TARBP1: variants seen among roughly 807,000 people sequenced by gnomAD.
TARBP1 encodes tRNA guanosine 2 -O-methyltransferase TARBP1.
A neutral mutation model predicts 178.6 loss-of-function variants in TARBP1; 144 were observed. The observed-to-expected ratio is 0.81, with a 90% CI of 0.70 to 0.93. The LOEUF (loss-of-function observed/expected upper bound fraction) is 0.93, where lower values mean the gene tolerates loss of function less well. Among genes scored for constraint, TARBP1 ranks in the 40% least tolerant of loss-of-function variants. The pLI is 0.00. For missense variants in TARBP1, 2,067 were observed against 2,011.7 expected (o/e 1.03, Z -0.53); for synonymous variants, 787 against 781.0 (o/e 1.01, Z -0.13).
intron 4 of TARBP1, 110 bp from the exon 5 acceptor site, chr1:234,465,818 A>G (rs1572397617): frequency 2.0e-6 from 2 of 981,748 alleles, no homozygotes; most frequent in Non-Finnish European, 2.9e-6. Flanking sequence ...AAGACCTGCT[A>G]TAAGCAAAGC....
intron 25 of TARBP1, 37 bp from the exon 26 acceptor site, chr1:234,398,590 TA>T: frequency 6.9e-7 from 1 of 1,443,332 alleles, no homozygotes; most frequent in Non-Finnish European, 9.3e-7. Flanking sequence ...TTTCTTCCCT[TA>T]AGAATAACAA....
At chr1:234,419,032 T>C (rs1267188340) in intron 21 of TARBP1, among the ~76,000 whole-genome samples, 1 of 151,188 alleles carries the variant, frequency 6.6e-6, no homozygotes, top group East Asian at 2.0e-4. Flanking sequence ...ATTAGCCGGG[T>C]GAGGTGGTGG....
chr1:234,429,368 T>C, intron 16 of TARBP1, 44 bp from the exon 17 acceptor site: 1 of 1,567,934 alleles, frequency 6.4e-7, no homozygotes, highest in Non-Finnish European at 8.6e-7. Context: ...AAAAACTTGA[T>C]CGCCACTCCT....
At chr1:234,477,528 G>A (rs1303449251) in intron 1 of TARBP1, among the ~76,000 whole-genome samples, 3 of 152,174 alleles carry the variant, frequency 2.0e-5, no homozygotes, top group East Asian at 3.8e-4. Context: ...CAACAGTAAC[G>A]TAACAACTTG....
chr1:234,469,552 T>G (rs1180695763), intron 3 of TARBP1, among the ~76,000 whole-genome samples: 1 of 152,226 alleles, frequency 6.6e-6, no homozygotes, highest in Non-Finnish European at 1.5e-5. Context: ...AGAAAACAAC[T>G]ACAGCAATCA....
At chr1:234,439,799 C>A (rs1310823655) in intron 12 of TARBP1, among the ~76,000 whole-genome samples, 1 of 152,106 alleles carries the variant, frequency 6.6e-6, no homozygotes, top group Non-Finnish European at 1.5e-5. Context: ...GCACTCCAGC[C>A]TGGGCAACAG....
intron 28 of TARBP1, 76 bp from the exon 29 acceptor site, chr1:234,392,628 G>GC (rs1659499733): frequency 1.5e-6 from 2 of 1,310,920 alleles, no homozygotes; most frequent in African/African-American, 3.0e-5. Context: ...GTTAAAAAAC[G>GC]TATTAACCTA....
intron 23 of TARBP1, among the ~76,000 whole-genome samples, chr1:234,408,120 C>T (rs747071068): frequency 9.2e-5 from 14 of 151,994 alleles, no homozygotes; most frequent in Non-Finnish European, 1.8e-4. Flanking sequence ...AAGCTCTGCT[C>T]GTGAATTCTC....
At position 234,393,492 on chromosome 1, in the gene TARBP1, C is replaced by A. The variant is rs377569827; in HGVS notation, c.4436-6G>T. ...CTCACAGGTCCTGCACAGTCCTGCA[C>A]AGAACACCTGGGATCATTAAGATTG... On this transcript the variant is annotated splice_region_variant and splice_polypyrimidine_tract_variant and intron_variant, in intron 27 of 29. Transcript: ENST00000040877. 6 of 1,585,884 alleles carry A rather than the reference C, an allele frequency of 3.8e-6. No individual in the cohort carries two copies. In the South Asian group the frequency reaches 6.8e-5, roughly 18 times the overall value.
In TARBP1 at chr1:234,460,276, C is replaced by G; in HGVS notation, c.1520G>C (p.Gly507Ala). 2 of 1,613,424 alleles carry G rather than the reference C, an allele frequency of 1.2e-6. No individual in the cohort carries two copies. The highest frequency in any genetic ancestry group is 1.7e-6 in the Non-Finnish European group (2 of 1,179,856). The change falls in exon 7 of 30, where the codon GGG becomes GCG. Residue 507 changes from glycine to alanine, a missense_variant. By Grantham distance (60) the Gly-to-Ala change is moderately conservative (BLOSUM62 0). Transcript: ENST00000040877. ...VPRHKALGID[G>A]LLALRDVIHC... ...AGTAAATTACCTGAGAGCAAGAAGC[C>G]CATCTATACCCAGGGCCTTATGTCT... is the stretch of plus-strand genomic sequence containing the variant.
intron 6 of TARBP1, among the ~76,000 whole-genome samples, chr1:234,463,144 G>A (rs950024080): frequency 2.7e-5 from 4 of 149,588 alleles, no homozygotes; most frequent in Non-Finnish European, 5.9e-5. Context: ...TTGTTTTTTT[G>A]AGACAGTCTT....
intron 28 of TARBP1, 139 bp from the exon 29 acceptor site, chr1:234,392,691 T>G: frequency 1.7e-6 from 1 of 591,658 alleles, no homozygotes; most frequent in Non-Finnish European, 2.7e-6. Flanking sequence ...AAAAAAGAAC[T>G]CTCCCAACAT....
At chr1:234,460,950 T>C (rs981539914) in intron 6 of TARBP1, among the ~76,000 whole-genome samples, 5 of 152,204 alleles carry the variant, frequency 3.3e-5, no homozygotes, top group African/African-American at 1.2e-4. Context: ...AGCCACGTAT[T>C]GTATGATTCC....
At chr1:234,444,110 T>G (rs2103192264) in intron 12 of TARBP1, among the ~76,000 whole-genome samples, 1 of 152,296 alleles carries the variant, frequency 6.6e-6, no homozygotes, top group South Asian at 2.1e-4. Context: ...AAAATGTAAA[T>G]TTTACTTTAT....
chr1:234,478,561 G>A lies in TARBP1; in HGVS notation c.543C>T (p.Ala181=), dbSNP rs1362477143. Residue 181 remains alanine (A), a synonymous_variant, in exon 1 of 30, where the codon GCC becomes GCT. Coordinates refer to ENST00000040877, the MANE Select transcript of TARBP1 (RefSeq NM_005646.4). The part of the protein sequence containing the change: ...ALGGGGDGDE[A]GPAEDAAALV... ...GCGCCGCCGCGTCCTCGGCAGGCCC[G>A]GCCTCATCCCCGTCCCCGCCCCCGC... The A allele has an allele frequency of 5.4e-6, 7 of 1,307,528 alleles. No individual in the cohort carries two copies. Among genetic ancestry groups the A allele is most frequent in the Non-Finnish European group, 5.8e-6 (6 of 1,029,396 alleles). 81.0% of individuals were successfully genotyped at this position (1,307,528 alleles called of 1,614,324 possible).
intron 6 of TARBP1, among the ~76,000 whole-genome samples, chr1:234,462,418 T>A: frequency 6.6e-6 from 1 of 152,134 alleles, no homozygotes. Context: ...AGGCTGTGTG[T>A]GGTGGCTCAC....
rs199802379 is a variant in TARBP1 at position 234,450,380 on chromosome 1, T to C, written c.1861+48A>G. On this transcript the variant is annotated intron_variant, in intron 10 of 29. Transcript: ENST00000040877. ...TCTGAAAAACTAGTTAAAAGTTCTTTGAAAATATTTTGGTTATATCAATCC... is the reference window on the plus strand; with the variant it reads ...TCTGAAAAACTAGTTAAAAGTTCTTCGAAAATATTTTGGTTATATCAATCC... 9 of 1,481,568 alleles carry C rather than the reference T, an allele frequency of 6.1e-6. No homozygotes were observed. The Admixed American group carries it at 1.5e-4, about 25-fold the overall frequency. The allele number at this position is 1,481,568 out of a possible 1,614,324, so 91.8% of individuals were successfully genotyped here. A position where few individuals can be genotyped will look rare whatever the true frequency, so the allele number is the denominator to read the frequency against.
intron 28 of TARBP1, 64 bp from the exon 29 acceptor site, chr1:234,392,616 G>C: frequency 6.6e-7 from 1 of 1,504,132 alleles, no homozygotes; most frequent in Non-Finnish European, 9.1e-7. Flanking sequence ...GAGTAAATTA[G>C]AGTTAAAAAA....
Position 234,448,551 on chromosome 1 carries a change from C to T in TARBP1, c.1890G>A (p.Trp630Ter). The part of the protein sequence containing the change: ...ETGENCFMPD[W>*]FEAKLVSLMV... ...TCAGAGAAACAAGCTTGGCTTCAAA[C>T]CAATCAGGCATAAAGCAGTTTTCTC... The change falls in exon 11 of 30, where the codon TGG becomes TGA. Residue 630 changes from tryptophan to a stop codon, truncating the protein, a stop_gained. Coordinates refer to ENST00000040877, the MANE Select transcript of TARBP1 (RefSeq NM_005646.4). LOFTEE classifies it high-confidence loss of function. 3.1e-6 allele frequency: 5 copies of T among 1,614,040 alleles called. No individual in the cohort carries two copies. Among genetic ancestry groups the T allele is most frequent in the Non-Finnish European group, 4.2e-6 (5 of 1,180,002 alleles).
Sources: gnomAD v4.1 joint callset for allele counts (sites outside exome capture counted in the v4.1 genomes callset) on GRCh38, gnomAD v4.1.1 for gene constraint, MANE v1.5 for transcripts, NCBI Gene and HGNC (gene_info 2026-07-23, HGNC 2026-07-21) for gene names.